The following GREB1 variants were observed in gnomAD, a reference collection of about 807,000 sequenced individuals.
The protein encoded by GREB1 is protein GREB1.
Under a neutral mutation model 200.7 loss-of-function variants are expected in GREB1, and 106 were observed. The observed-to-expected ratio is 0.53, with a 90% CI of 0.45 to 0.62. The LOEUF (loss-of-function observed/expected upper bound fraction) is 0.62. Ranked by LOEUF, GREB1 falls within the 20% of genes least tolerant of loss-of-function variation. The pLI is 0.00. For missense variants in GREB1, 2,243 were observed against 2,556.8 expected, an observed-to-expected ratio of 0.88 and a Z score of 2.65; for synonymous variants, 1,132 against 1,092.4, an observed-to-expected ratio of 1.04 and a Z score of -0.72.
intron 1 of GREB1, among the ~76,000 whole-genome samples, chr2:11,509,599 A>G (rs1673294673): frequency 6.6e-6 from 1 of 152,190 alleles, no homozygotes; most frequent in Admixed American, 6.5e-5. Flanking sequence ...CCTAAAATTT[A>G]TATGTTGGAG....
At position 11,593,090 on chromosome 2, in the gene GREB1, C is replaced by T; in HGVS notation, c.1660C>T (p.Arg554Cys). ...CTACGTGGTCATCATCTGCGCCTGC[C>T]GCAGCGCGGCCATCGACTCCTGCAT... The part of the protein sequence containing the change: ...TNYVVIICAC[R>C]SAAIDSCIAV... The change falls in exon 11 of 33, where the codon CGC becomes TGC. Residue 554 changes from arginine (R) to cysteine (C), a missense_variant. Arg to Cys is a radical substitution (Grantham distance 180). Coordinates refer to ENST00000381486, the MANE Select transcript of GREB1 (RefSeq NM_014668.4). The T allele has an allele frequency of 6.2e-7, 1 of 1,609,480 alleles. No individual in the cohort carries two copies. Among genetic ancestry groups the T allele is most frequent in the Non-Finnish European group, 8.5e-7 (1 of 1,177,874 alleles).
chr2:11,617,686 C>T (rs575266581), intron 21 of GREB1, among the ~76,000 whole-genome samples: 12 of 152,192 alleles, frequency 7.9e-5, no homozygotes, highest in African/African-American at 2.2e-4. Flanking sequence ...GGCCTGGGTG[C>T]GGGGACGGGT....
chr2:11,595,037 G>A (rs932233564), intron 11 of GREB1, among the ~76,000 whole-genome samples: 16 of 151,190 alleles, frequency 1.1e-4, no homozygotes, highest in African/African-American at 3.4e-4. Context: ...GATGTGAGTG[G>A]GACTTGCAGT....
chr2:11,610,502 A>G (rs910843015), intron 17 of GREB1, among the ~76,000 whole-genome samples, 186 bp from the exon 18 acceptor site: 1 of 152,220 alleles, frequency 6.6e-6, no homozygotes, highest in Admixed American at 6.5e-5. Context: ...AAAACAAAGG[A>G]CTGTATAATT....
chr2:11,635,287 T>C lies in GREB1; in HGVS notation c.5228T>C (p.Val1743Ala). The change falls in exon 30 of 33, where the codon GTA becomes GCA. Residue 1743 changes from valine (V) to alanine (A), a missense_variant. Physicochemically the swap from Val to Ala is moderately conservative, Grantham distance 64 (BLOSUM62 0). This residue lies in a region of GREB1 where 478 missense variants were observed against 616.3 expected (regional missense o/e 0.78). Transcript: ENST00000381486. ...YNQNRFLCDD[V>A]DFNLRVHSAG... ...CTGAGTAGGTTCCTGTGTGACGATG[T>C]AGACTTCAACCTGCGGGTGCACAGC... The C allele has an allele frequency of 6.2e-7, 1 of 1,614,196 alleles. No individual in the cohort carries two copies. The highest frequency in any genetic ancestry group is 8.5e-7 in the Non-Finnish European group (1 of 1,180,020).
chr2:11,508,110 A>G (rs1387874264), intron 1 of GREB1, among the ~76,000 whole-genome samples: 1 of 152,068 alleles, frequency 6.6e-6, no homozygotes, highest in East Asian at 1.9e-4. Flanking sequence ...TCTTCTTCTG[A>G]GAGAAGGAGA....
At position 11,566,346 on chromosome 2, in the gene GREB1, T is replaced by C. The variant is rs867568722; in HGVS notation, c.278-134T>C. Reference sequence around the variant, plus strand: ...AAGATTATAGTTCTATCTCTCAGGATTAATTTTGAGGTCAAGCACACCCAG... The same window carrying C: ...AAGATTATAGTTCTATCTCTCAGGACTAATTTTGAGGTCAAGCACACCCAG... On this transcript the variant is annotated intron_variant, in intron 3 of 32. Transcript: ENST00000381486. 7.1e-5 allele frequency: 54 copies of C among 756,482 alleles called. No homozygotes were observed. In the Middle Eastern group the frequency reaches 2.4e-3, roughly 33 times the overall value. 46.9% of individuals were successfully genotyped at this position (756,482 alleles called of 1,614,324 possible).
At chr2:11,545,448 T>C (rs549075234) in intron 1 of GREB1, among the ~76,000 whole-genome samples, 46 of 152,296 alleles carry the variant, frequency 3.0e-4, no homozygotes, top group Admixed American at 2.0e-3. Flanking sequence ...CAACTTTCTA[T>C]GGCAGCTCCC....
At chr2:11,587,072 C>A (rs1049383687) in intron 9 of GREB1, among the ~76,000 whole-genome samples, 1 of 152,192 alleles carries the variant, frequency 6.6e-6, no homozygotes, top group Non-Finnish European at 1.5e-5. Flanking sequence ...AGCAAGTCTA[C>A]GTCTCACACG....
chr2:11,513,871 G>A (rs1290524929), intron 1 of GREB1, among the ~76,000 whole-genome samples: 1 of 152,160 alleles, frequency 6.6e-6, no homozygotes, highest in Non-Finnish European at 1.5e-5. Flanking sequence ...CATAACTTGT[G>A]GTTCTTCAGC....
At chr2:11,538,692 T>TCCTTCCTC (rs1437259331) in intron 1 of GREB1, among the ~76,000 whole-genome samples, 1 of 81,100 alleles carries the variant, frequency 1.2e-5, no homozygotes, top group East Asian at 4.4e-4. Flanking sequence ...TTTCTTTCCT[T>TCCTTCCTC]CCTCCCTCCC....
intron 17 of GREB1, among the ~76,000 whole-genome samples, chr2:11,603,390 A>G (rs762697534): frequency 3.5e-4 from 54 of 152,234 alleles, no homozygotes; most frequent in Non-Finnish European, 6.3e-4. Context: ...TTCTCAAGCT[A>G]TGTTCCAAGG....
chr2:11,596,687 G>C (rs1157386848), intron 13 of GREB1, among the ~76,000 whole-genome samples: 2 of 114,604 alleles, frequency 1.7e-5, no homozygotes, highest in Non-Finnish European at 3.7e-5. Context: ...GTACAGTGAG[G>C]GGGTGGGGCA....
chr2:11,529,543 G>A (rs930047804), upstream of GREB1, among the ~76,000 whole-genome samples: 27 of 152,158 alleles, frequency 1.8e-4, no homozygotes, highest in Non-Finnish European at 2.2e-4. Flanking sequence ...CTAGGGGAGC[G>A]ATTTATGTAG....
rs74943395 is a variant in GREB1 at position 11,628,918 on chromosome 2, C to T, written c.4450-1030C>T. Among the ~76,000 whole-genome samples, 75 of 152,292 alleles carry T rather than the reference C, an allele frequency of 4.9e-4. No individual in the cohort carries two copies. The East Asian group carries it at 0.013, about 27-fold the overall frequency. On this transcript the variant is annotated intron_variant, in intron 25 of 32. Coordinates refer to ENST00000381486, the MANE Select transcript of GREB1 (RefSeq NM_014668.4). ...TGAGGGGGCTTGAAACCAGCTGGTG[C>T]GGGTGCAGAGGCCGCGTGGCCCCCT...
At chr2:11,554,418 G>T (rs574493524) in intron 1 of GREB1, among the ~76,000 whole-genome samples, 1 of 152,168 alleles carries the variant, frequency 6.6e-6, no homozygotes, top group Admixed American at 6.5e-5. Context: ...TTATACCTTC[G>T]GGAGGGAAAG....
In GREB1 at chr2:11,618,915, C is replaced by T. The variant is rs1683758847; in HGVS notation, c.4040C>T (p.Pro1347Leu). 1 of 1,513,828 alleles carries T rather than the reference C, an allele frequency of 6.6e-7. No homozygotes were observed. The allele number at this position is 1,513,828 out of a possible 1,614,324, so 93.8% of individuals were successfully genotyped here. A position where few individuals can be genotyped will look rare whatever the true frequency, so the allele number is the denominator to read the frequency against. ...HPRRLLLSGP[P>L]QIGKTGAYLQ... ...CGCAGGCTGCTGCTCAGCGGCCCCC[C>T]TCAGGTGAGTGTTGCTCGCTGCCCC... The change falls in exon 22 of 33, where the codon CCT (proline) becomes CTT (leucine). Residue 1347 changes from proline to leucine, a missense_variant. Physicochemically the swap from Pro to Leu is moderately conservative, Grantham distance 98. Around this residue, in one of 3 missense-constraint regions of GREB1, gnomAD observed 587 missense variants for 553.1 expected, o/e 1.06. Transcript: ENST00000381486.
intron 1 of GREB1, among the ~76,000 whole-genome samples, chr2:11,536,563 A>C (rs1488725751): frequency 6.6e-6 from 1 of 152,232 alleles, no homozygotes; most frequent in Non-Finnish European, 1.5e-5. Flanking sequence ...GTCATGTTTA[A>C]TGTGGAGAGG....
At position 11,556,570 on chromosome 2, in the gene GREB1, G is replaced by A. The variant is rs372334651; in HGVS notation, c.-45G>A. The A allele has an allele frequency of 8.5e-5, 131 of 1,536,616 alleles. 1 individual carries two copies. Among genetic ancestry groups the A allele is most frequent in the Middle Eastern group, 1.7e-4 (1 of 5,794 alleles). On this transcript the variant is annotated 5_prime_UTR_variant, in exon 2 of 33. Transcript: ENST00000381486. ...TTGCGTGGAGCCAGGCTTTTGCACC[G>A]AATCTGAGATGCCATTTTAAACAGA...
Sources: gnomAD v4.1 joint callset for allele counts (sites outside exome capture counted in the v4.1 genomes callset) on GRCh38, gnomAD v4.1.1 for gene constraint, gnomAD v4.1.1 regional missense constraint, MANE v1.5 for transcripts, NCBI Gene and HGNC (gene_info 2026-07-23, HGNC 2026-07-21) for gene names.